Variants in MSI2 observed in about 807,000 individuals in gnomAD.
MSI2 encodes musashi RNA binding protein 2.
MSI2 carries 17 observed loss-of-function variants against 45.6 expected under a neutral mutation model. That is an observed-to-expected ratio of 0.37 (90% CI 0.26 to 0.56). The LOEUF (loss-of-function observed/expected upper bound fraction) is 0.56. MSI2 is among the 20% of genes least tolerant of loss of function. The probability of loss-of-function intolerance (pLI) is 0.77; values close to 1 mark genes in which losing one functional copy is unlikely to be tolerated. For missense variants in MSI2, 293 were observed against 444.2 expected (o/e 0.66, Z 3.06); for synonymous variants, 156 against 158.2 (o/e 0.99, Z 0.11).
chr17:57,512,968 C>CTTTTTTTTTTTTTTTTTTTTTT (rs34727727), intron 6 of MSI2, among the ~76,000 whole-genome samples: 2 of 114,718 alleles, frequency 1.7e-5, no homozygotes. Context: ...TAGCTTCTTC[C>CTTTTTTTTTTTTTTTTTTTTTT]TTTTTTTTTT....
chr17:57,688,035 G>A (rs918827481), downstream of MSI2, among the ~76,000 whole-genome samples: 1 of 152,086 alleles, frequency 6.6e-6, no homozygotes, highest in African/African-American at 2.4e-5. Flanking sequence ...ACCATGGAAT[G>A]TTGAAACAGA....
chr17:57,560,070 C>T (rs1215967676), intron 7 of MSI2, among the ~76,000 whole-genome samples: 1 of 152,196 alleles, frequency 6.6e-6, no homozygotes, highest in Non-Finnish European at 1.5e-5. Flanking sequence ...AAAGTAGAAA[C>T]ACATGTGATT....
intron 9 of MSI2, among the ~76,000 whole-genome samples, chr17:57,619,791 C>T (rs565851567): frequency 1.3e-5 from 2 of 152,322 alleles, no homozygotes; most frequent in Non-Finnish European, 2.9e-5. Flanking sequence ...GTGATGCCTG[C>T]CAGGAGCTTA....
intron 5 of MSI2, among the ~76,000 whole-genome samples, chr17:57,345,089 A>G (rs1208923876): frequency 6.6e-6 from 1 of 152,036 alleles, no homozygotes; most frequent in Non-Finnish European, 1.5e-5. Context: ...CTAAAAAGGA[A>G]GGGTTCAAGG....
At chr17:57,503,561 T>A (rs745602136) in intron 6 of MSI2, among the ~76,000 whole-genome samples, 2 of 152,168 alleles carry the variant, frequency 1.3e-5, no homozygotes, top group Non-Finnish European at 2.9e-5. Context: ...ACTTCACACA[T>A]CAGCAAAAGA....
chr17:57,605,622 A>C (rs1906483406), intron 8 of MSI2, among the ~76,000 whole-genome samples: 1 of 152,222 alleles, frequency 6.6e-6, no homozygotes, highest in South Asian at 2.1e-4. Context: ...GGGCATGAAC[A>C]GTCTGCGCCC....
At chr17:57,628,452 G>C (rs1041825519) in intron 10 of MSI2, 138 of 152,426 alleles carry the variant, frequency 9.1e-4, no homozygotes, top group Non-Finnish European at 3.2e-4. Flanking sequence ...GGGGCACCTA[G>C]AGCCGTGCTC....
At chr17:57,530,820 G>A (rs572327649) in intron 7 of MSI2, among the ~76,000 whole-genome samples, 1 of 152,292 alleles carries the variant, frequency 6.6e-6, no homozygotes, top group East Asian at 1.9e-4. Flanking sequence ...AATCATTGCT[G>A]GCGGGGCTGG....
At chr17:57,559,368 C>T (rs1598399844) in intron 7 of MSI2, among the ~76,000 whole-genome samples, 1 of 152,210 alleles carries the variant, frequency 6.6e-6, no homozygotes, top group African/African-American at 2.4e-5. Flanking sequence ...CTCATCCGCT[C>T]CCGCCTTGAG....
In MSI2 at chr17:57,627,053, C is replaced by T. The variant is rs971670874; in HGVS notation, c.653-176C>T. 1.7e-5 allele frequency: 11 copies of T among 632,856 alleles called. No homozygotes were observed. Among genetic ancestry groups the T allele is most frequent in the African/African-American group, 1.3e-4 (7 of 54,288 alleles). The allele number at this position is 632,856 out of a possible 1,614,324, so 39.2% of individuals were successfully genotyped here. ...ATTAGCAACAGCTGACAGCAGCGCC[C>T]CCGGCCACAGGAGAGAGGTGACCCA... is the stretch of plus-strand genomic sequence containing the variant. On this transcript the variant is annotated intron_variant, in intron 9 of 13. Coordinates refer to ENST00000284073, the MANE Select transcript of MSI2 (RefSeq NM_138962.4). The surrounding 1 kb of genome is among the most constrained non-coding windows in gnomAD (Gnocchi z 4.6).
At chr17:57,482,754 C>T (rs1179363539) in intron 6 of MSI2, among the ~76,000 whole-genome samples, 1 of 152,170 alleles carries the variant, frequency 6.6e-6, no homozygotes, top group African/African-American at 2.4e-5. Flanking sequence ...TTATGGGGAC[C>T]TCTGAAGGCT....
intron 10 of MSI2, among the ~76,000 whole-genome samples, chr17:57,644,511 A>T (rs1910507362): frequency 6.6e-6 from 1 of 152,144 alleles, no homozygotes; most frequent in Non-Finnish European, 1.5e-5. Flanking sequence ...AGGTGGGAGC[A>T]TCCTGGGCCA....
At position 57,262,145 on chromosome 17, in the gene MSI2, TC is replaced by T; in HGVS notation, c.271-3del. On this transcript the variant is annotated splice_polypyrimidine_tract_variant and splice_region_variant and intron_variant, in intron 4 of 13. Transcript: ENST00000284073. ...TTGACTCCTGCTTTTCTATTTTTTT[TC>T]CCAGATTGACCCCAAAGTTGCATTT... 1 of 1,614,042 alleles carries T rather than the reference TC, an allele frequency of 6.2e-7. No homozygotes were observed. The highest frequency in any genetic ancestry group is 1.1e-5 in the South Asian group (1 of 91,060).
intron 10 of MSI2, chr17:57,631,854 G>A (rs1344944466): frequency 2.5e-6 from 4 of 1,612,186 alleles, no homozygotes; most frequent in Non-Finnish European, 3.4e-6. Context: ...GCATAGCAAA[G>A]TGGGGGTTGC....
chr17:57,580,236 C>T (rs1199878375), intron 7 of MSI2, among the ~76,000 whole-genome samples: 1 of 152,210 alleles, frequency 6.6e-6, no homozygotes, highest in Non-Finnish European at 1.5e-5. Context: ...TAACAGTTTG[C>T]CTTGGTTCAG....
intron 6 of MSI2, among the ~76,000 whole-genome samples, chr17:57,464,015 G>GTGTGTGTA (rs1380395973): frequency 4.7e-5 from 6 of 128,276 alleles, no homozygotes; most frequent in African/African-American, 1.7e-4. Flanking sequence ...GTGTGTGTGT[G>GTGTGTGTA]TGTGTATGTG....
intron 5 of MSI2, among the ~76,000 whole-genome samples, chr17:57,397,584 C>T (rs1291283219): frequency 2.6e-5 from 4 of 152,216 alleles, no homozygotes; most frequent in Non-Finnish European, 4.4e-5. Flanking sequence ...GCAAGGAAAC[C>T]GAGAGAAGAA....
intron 10 of MSI2, among the ~76,000 whole-genome samples, chr17:57,650,234 CT>C (rs1053754345): frequency 2.0e-5 from 3 of 151,852 alleles, no homozygotes; most frequent in African/African-American, 7.3e-5. Context: ...TCCCCCAAGT[CT>C]TTCCGTGCTT....
At chr17:57,368,013 C>T (rs1406071114) in intron 5 of MSI2, among the ~76,000 whole-genome samples, 1 of 152,202 alleles carries the variant, frequency 6.6e-6, no homozygotes, top group Non-Finnish European at 1.5e-5. Flanking sequence ...ACCCTGTCCT[C>T]AAGCAGCTAA....
Sources: gnomAD v4.1 joint callset for allele counts (sites outside exome capture counted in the v4.1 genomes callset) on GRCh38, gnomAD v4.1.1 for gene constraint, Gnocchi (gnomAD v3.1) non-coding constraint, MANE v1.5 for transcripts, NCBI Gene and HGNC (gene_info 2026-07-23, HGNC 2026-07-21) for gene names.